The following NOL6 variants were observed in gnomAD, a reference collection of about 807,000 sequenced individuals.
The protein encoded by NOL6 is nucleolar RNA-associated protein.
A neutral mutation model predicts 131.7 loss-of-function variants in NOL6; 33 were observed. That is an observed-to-expected ratio of 0.25 (90% CI 0.19 to 0.33). The LOEUF is 0.33. NOL6 is among the 10% of genes least tolerant of loss of function. The probability of loss-of-function intolerance (pLI) is 1.00; values close to 1 mark genes in which losing one functional copy is unlikely to be tolerated. For missense variants in NOL6, 1,297 were observed against 1,494.5 expected, an observed-to-expected ratio of 0.87 and a Z score of 2.18; for synonymous variants, 580 against 605.7, an observed-to-expected ratio of 0.96 and a Z score of 0.62.
intron 8 of NOL6, 37 bp downstream of exon 8, chr9:33,468,715 G>A: frequency 3.7e-6 from 6 of 1,613,662 alleles, no homozygotes; most frequent in Non-Finnish European, 5.1e-6. Context: ...CCCAGGAGGA[G>A]TGGAGCCCCT....
chr9:33,467,022 G>C lies in NOL6; in HGVS notation c.1875-35C>G. ...AGGCAGAGACACAGTGAGAAAATTT[G>C]GGGCTATGTTCTCGCTCAACTGCCT... On this transcript the variant is annotated intron_variant, in intron 14 of 25. Coordinates refer to ENST00000297990, the MANE Select transcript of NOL6 (RefSeq NM_022917.5). The surrounding 1 kb of genome is among the most constrained non-coding windows in gnomAD (Gnocchi z 4.4). 1 of 1,613,922 alleles carries C rather than the reference G, an allele frequency of 6.2e-7. No individual in the cohort carries two copies. The highest frequency in any genetic ancestry group is 8.5e-7 in the Non-Finnish European group (1 of 1,179,882).
At position 33,468,878 on chromosome 9, in the gene NOL6, A is replaced by G. The variant is rs147870682; in HGVS notation, c.1027-6T>C. ...CCAGTAAACCCACCCTGGCCCTGAA[A>G]GAGACAGGGAGAGGCTGAGGTCAGA... is the stretch of plus-strand genomic sequence containing the variant. On this transcript the variant is annotated splice_region_variant and splice_polypyrimidine_tract_variant and intron_variant, in intron 7 of 25. Coordinates refer to ENST00000297990, the MANE Select transcript of NOL6 (RefSeq NM_022917.5). 418 of 1,614,152 alleles carry G rather than the reference A, an allele frequency of 2.6e-4. 1 individual carries two copies. In the African/African-American group the frequency reaches 4.9e-3, roughly 19 times the overall value.
chr9:33,462,363 G>A lies in NOL6; in HGVS notation c.*301C>T. On this transcript the variant is annotated 3_prime_UTR_variant, in exon 26 of 26. Transcript: ENST00000297990. ...GAGTGGGAAATCGCAGGGAGGTCCA[G>A]GCCCAGGGCTAATAGGTGGATGGAT... The A allele has an allele frequency of 1.5e-6, 1 of 649,880 alleles. No homozygotes were observed. 40.3% of individuals were successfully genotyped at this position (649,880 alleles called of 1,614,324 possible).
rs1827349546 is a variant in NOL6, at chr9:33,469,514, A to G, written c.712T>C (p.Leu238=). ...TNGCHLKPSL[L]LRPRGKDERL... ...TGCCTCTCACCACGCGGCCGCAGCA[A>G]CAGTGAGGGTTTCAGGTGGCAGCCA... is the stretch of plus-strand genomic sequence containing the variant. The change falls in exon 5 of 26, where the codon TTG becomes CTG. Residue 238 remains leucine, a synonymous_variant. Transcript: ENST00000297990. The G allele has an allele frequency of 6.2e-7, 1 of 1,608,510 alleles. No individual in the cohort carries two copies. The highest frequency in any genetic ancestry group is 1.7e-5 in the Admixed American group (1 of 58,274).
At position 33,467,562 on chromosome 9, in the gene NOL6, C is replaced by T; in HGVS notation, c.1603-46G>A. 1.2e-6 allele frequency: 2 copies of T among 1,607,580 alleles called. No individual in the cohort carries two copies. Among genetic ancestry groups the T allele is most frequent in the Non-Finnish European group, 1.7e-6 (2 of 1,175,596 alleles). On this transcript the variant is annotated intron_variant, in intron 12 of 25. Transcript: ENST00000297990. This position sits in a 1 kb window ranked among gnomAD's most constrained non-coding sequence, Gnocchi z 4.4. ...GAGCTCAGTCCTCCAATCCTCCAGC[C>T]TGGCCTAGAAACCTACTTTCTAGCT...
intron 3 of NOL6, among the ~76,000 whole-genome samples, chr9:33,471,642 C>T (rs1164187570): frequency 1.3e-5 from 2 of 152,182 alleles, no homozygotes; most frequent in African/African-American, 4.8e-5. Flanking sequence ...TAAACCACTC[C>T]CATCCTCTAA....
At position 33,467,659 on chromosome 9, in the gene NOL6, A is replaced by G; in HGVS notation, c.1602+32T>C. ...TGGGACCCTGGATCCAGCCCAACTC[A>G]GACCCAAACTCCCCAACCTACACCA... On this transcript the variant is annotated intron_variant, in intron 12 of 25. Coordinates refer to ENST00000297990, the MANE Select transcript of NOL6 (RefSeq NM_022917.5). The surrounding 1 kb of genome is among the most constrained non-coding windows in gnomAD (Gnocchi z 4.4). 6.5e-7 allele frequency: 1 copy of G among 1,545,214 alleles called. No individual in the cohort carries two copies. Among genetic ancestry groups the G allele is most frequent in the Admixed American group, 1.9e-5 (1 of 51,302 alleles).
rs572787926 is a variant in NOL6, at chr9:33,464,350, C to A, written c.2780-189G>T. Among the ~76,000 whole-genome samples, 336 of 152,208 alleles carry A rather than the reference C, an allele frequency of 2.2e-3. 1 individual carries two copies. Among genetic ancestry groups the A allele is most frequent in the Middle Eastern group, 3.4e-3 (1 of 294 alleles). On this transcript the variant is annotated intron_variant, in intron 21 of 25. Transcript: ENST00000297990. ...CTCAACTGGGTGGGGCATTAATCGC[C>A]CAACCTCAGCCCAGAGGCAAAATTT...
Position 33,463,449 on chromosome 9 carries a change from A to G in NOL6, c.2995-8T>C. ...GGGCGGCCGGAACACTGTCTAAGGA[A>G]GGGGAGAAGGAGGGGTCAGCAGGAC... On this transcript the variant is annotated splice_polypyrimidine_tract_variant and splice_region_variant and intron_variant, in intron 23 of 25. Transcript: ENST00000297990. The G allele has an allele frequency of 1.3e-6, 2 of 1,599,438 alleles. No individual in the cohort carries two copies. Among genetic ancestry groups the G allele is most frequent in the Non-Finnish European group, 1.7e-6 (2 of 1,171,246 alleles).
Position 33,472,074 on chromosome 9 carries a change from T to C in NOL6, c.308A>G (p.Asp103Gly). ...KEVRLSEKKK[D>G]RIDAFLREVN... ...CTCCCGTAGGAAGGCATCAATCCGA[T>C]CCTTCTTCTTCTCTGACAGCCTTAC... The change falls in exon 3 of 26, where the codon GAT becomes GGT. Residue 103 changes from aspartate (D) to glycine (G), a missense_variant. Coordinates refer to ENST00000297990, the MANE Select transcript of NOL6 (RefSeq NM_022917.5). 14 of 1,614,070 alleles carry C rather than the reference T, an allele frequency of 8.7e-6. No individual in the cohort carries two copies. Among genetic ancestry groups the C allele is most frequent in the African/African-American group, 1.3e-5 (1 of 75,050 alleles).
In NOL6 at chr9:33,470,021, G is replaced by C. The variant is rs1203423596; in HGVS notation, c.549C>G (p.Thr183=). The C allele has an allele frequency of 2.5e-6, 4 of 1,593,934 alleles. No individual in the cohort carries two copies. The Admixed American group carries it at 6.8e-5, about 27-fold the overall frequency. The change falls in exon 4 of 26, where the codon ACC becomes ACG. Residue 183 remains threonine (T), a synonymous_variant. Transcript: ENST00000297990. ...AAACCCTGGACCTTACCCTGGGCAT[G>C]GTCAGTGCCACATCCACATTGATGT... ...RPDINVDVAL[T]MPREILQDKD... is the part of the protein sequence containing the mutation.
chr9:33,466,655 G>A lies in NOL6; in HGVS notation c.2005C>T (p.Leu669Phe), dbSNP rs374965069. ...LVAAVRCYDD[L>F]SRLLWGLEGL... The stretch of plus-strand genomic sequence containing the variant: ...TCTAGCCCCCACAGTAGGCGACTGA[G>A]GTCGTCGTAGCAACGTACCGCCGCT... The change falls in exon 16 of 26, where the codon CTC becomes TTC. Residue 669 changes from leucine (L) to phenylalanine (F), a missense_variant. By Grantham distance (22) the Leu-to-Phe change is conservative. Coordinates refer to ENST00000297990, the MANE Select transcript of NOL6 (RefSeq NM_022917.5). The A allele has an allele frequency of 2.0e-5, 32 of 1,613,866 alleles. No homozygotes were observed. The Middle Eastern group carries it at 4.9e-4, about 25-fold the overall frequency.
chr9:33,464,563 G>T (rs987878230), intron 21 of NOL6, among the ~76,000 whole-genome samples: 4 of 151,996 alleles, frequency 2.6e-5, no homozygotes, highest in Non-Finnish European at 5.9e-5. Context: ...AGAGGTCTGA[G>T]TATCTGTGCT....
At position 33,464,020 on chromosome 9, in the gene NOL6, C is replaced by A. The variant is rs781543810; in HGVS notation, c.2904+17G>T. Reference sequence around the variant, plus strand: ...GGGAAGAAAACCACACATTAGGGGGCAGGTATGGGGTTGAACCTGGGCTGA... The same window carrying A: ...GGGAAGAAAACCACACATTAGGGGGAAGGTATGGGGTTGAACCTGGGCTGA... On this transcript the variant is annotated intron_variant, in intron 22 of 25. Transcript: ENST00000297990. 1 of 1,612,510 alleles carries A rather than the reference C, an allele frequency of 6.2e-7. No individual in the cohort carries two copies. The highest frequency in any genetic ancestry group is 1.7e-5 in the Admixed American group (1 of 59,958).
At position 33,468,429 on chromosome 9, in the gene NOL6, G is replaced by A. The variant is rs761501219; in HGVS notation, c.1207-7C>T. 4 of 1,614,082 alleles carry A rather than the reference G, an allele frequency of 2.5e-6. No individual in the cohort carries two copies. Among genetic ancestry groups the A allele is most frequent in the South Asian group, 1.1e-5 (1 of 91,068 alleles). Reference sequence around the variant, plus strand: ...GGAAGTCAGCCAGGGCCGGCTTGGGGGGTGTAGAGAGAAGCAGGTCAGGAT... The same window carrying A: ...GGAAGTCAGCCAGGGCCGGCTTGGGAGGTGTAGAGAGAAGCAGGTCAGGAT... On this transcript the variant is annotated splice_polypyrimidine_tract_variant and splice_region_variant and intron_variant, in intron 9 of 25. Coordinates refer to ENST00000297990, the MANE Select transcript of NOL6 (RefSeq NM_022917.5).
Position 33,465,799 on chromosome 9 carries a change from T to C in NOL6, c.2463A>G (p.Thr821=), listed in dbSNP as rs146631545. The C allele has an allele frequency of 3.1e-6, 5 of 1,614,012 alleles. No homozygotes were observed. The highest frequency in any genetic ancestry group is 4.2e-6 in the Non-Finnish European group (5 of 1,179,954). Reference sequence around the variant, plus strand: ...CTCTCTCAAGGCGGAGGGAGGCAGCTGTGTCCCTCAGCGAGATCATCCCCT... The same window carrying C: ...CTCTCTCAAGGCGGAGGGAGGCAGCCGTGTCCCTCAGCGAGATCATCCCCT... ...SPEGMISLRD[T]AASLRLERDT... The change falls in exon 19 of 26, where the codon ACA becomes ACG. Residue 821 remains threonine, a synonymous_variant. Coordinates refer to ENST00000297990, the MANE Select transcript of NOL6 (RefSeq NM_022917.5).
rs767188003 is a variant in NOL6 at position 33,472,115 on chromosome 9, C to G, written c.267G>C (p.Glu89Asp). 15 of 1,613,780 alleles carry G rather than the reference C, an allele frequency of 9.3e-6. No individual in the cohort carries two copies. The highest frequency in any genetic ancestry group is 1.3e-5 in the African/African-American group (1 of 74,930). The change falls in exon 3 of 26, where the codon GAG (glutamate) becomes GAC (aspartate). Residue 89 changes from glutamate (E) to aspartate (D), a missense_variant. Coordinates refer to ENST00000297990, the MANE Select transcript of NOL6 (RefSeq NM_022917.5). ...ACAGCCTTACTTCCTTTAGTAGCTC[C>G]TCTACCTGTAAGAGAGGGTAGAAGA... Reference protein sequence around the residue: ...FHSSLLRLQVEELLKEVRLSE... With the variant: ...FHSSLLRLQVDELLKEVRLSE...
At chr9:33,473,702 C>G (rs957548718) in intron 1 of NOL6, 87 bp downstream of exon 1, 3 of 1,504,218 alleles carry the variant, frequency 2.0e-6, no homozygotes, top group Non-Finnish European at 2.7e-6. Context: ...GGCTTTCACC[C>G]GCAAGCTGTC....
At position 33,466,923 on chromosome 9, in the gene NOL6, C is replaced by A. The variant is rs752592088; in HGVS notation, c.1939G>T (p.Gly647Cys). The A allele has an allele frequency of 6.8e-6, 11 of 1,614,074 alleles. No individual in the cohort carries two copies. The Admixed American group carries it at 1.8e-4, about 27-fold the overall frequency. The change falls in exon 15 of 26, where the codon GGC becomes TGC. Residue 647 changes from glycine to cysteine, a missense_variant. Transcript: ENST00000297990. ...CCCAAGACCCTTACCTCTTTCAGGC[C>A]TTGGATAAGTGCATCCAGGGGGCCC... is the stretch of plus-strand genomic sequence containing the variant. ...VGGPLDALIQ[G>C]LKETSSTGEE...
Sources: gnomAD v4.1 joint callset for allele counts (sites outside exome capture counted in the v4.1 genomes callset) on GRCh38, gnomAD v4.1.1 for gene constraint, Gnocchi (gnomAD v3.1) non-coding constraint, MANE v1.5 for transcripts, NCBI Gene and HGNC (gene_info 2026-07-23, HGNC 2026-07-21) for gene names.